KIAA1328: variants seen among roughly 807,000 people sequenced by gnomAD.
KIAA1328 encodes the protein protein hinderin.
In KIAA1328, 52 loss-of-function variants were observed where a neutral mutation model predicts 68.1. The ratio of observed to expected loss-of-function variants is 0.76; its 90% CI spans 0.61 to 0.96. KIAA1328 has a LOEUF of 0.96. KIAA1328 is among the 40% of genes least tolerant of loss of function. KIAA1328 has a pLI of 0.00. For missense variants in KIAA1328, 641 were observed against 677.6 expected (o/e 0.95, Z 0.60); for synonymous variants, 232 against 239.4 (o/e 0.97, Z 0.28).
At position 37,110,235 on chromosome 18, in the gene KIAA1328, G is replaced by GA. The variant is rs554021961; in HGVS notation, c.1232+42699dup. Among the ~76,000 whole-genome samples the GA allele has an allele frequency of 3.2e-3, 485 of 151,112 alleles. 1 individual carries two copies. Among genetic ancestry groups the GA allele is most frequent in the Middle Eastern group, 6.8e-3 (2 of 292 alleles). On this transcript the variant is annotated intron_variant, in intron 7 of 9. Coordinates refer to ENST00000280020, the MANE Select transcript of KIAA1328 (RefSeq NM_020776.3). ...ATATCCAGGCCAAGATTTTGTTAAT[G>GA]AAAAAAAAATCTGTAAATGTATTGC... is the stretch of plus-strand genomic sequence containing the variant.
At chr18:36,949,597 T>TCCCCCCCCCCCCCCCCCCC (rs71168248) in intron 5 of KIAA1328, among the ~76,000 whole-genome samples, 4 of 57,360 alleles carry the variant, frequency 7.0e-5, no homozygotes, top group African/African-American at 1.3e-4. Flanking sequence ...TCTACCCAGC[T>TCCCCCCCCCCCCCCCCCCC]CCCCCCCCCC....
chr18:37,205,584 C>T (rs1216741567), intron 9 of KIAA1328, among the ~76,000 whole-genome samples: 1 of 152,102 alleles, frequency 6.6e-6, no homozygotes, highest in Admixed American at 6.5e-5. Flanking sequence ...AGAAAGGACA[C>T]AAATAGGTAC....
At chr18:36,953,259 T>A (rs1233260028) in intron 5 of KIAA1328, among the ~76,000 whole-genome samples, 2 of 147,464 alleles carry the variant, frequency 1.4e-5, no homozygotes, top group Non-Finnish European at 1.5e-5. Flanking sequence ...AGTGTAATAT[T>A]TAATAATATA....
At chr18:37,020,012 G>T (rs1050413132) in intron 6 of KIAA1328, among the ~76,000 whole-genome samples, 1 of 152,220 alleles carries the variant, frequency 6.6e-6, no homozygotes, top group African/African-American at 2.4e-5. Flanking sequence ...AATGCGTGGA[G>T]ATCTGCCTCA....
intron 8 of KIAA1328, among the ~76,000 whole-genome samples, chr18:37,166,493 C>G (rs928848884): frequency 2.0e-5 from 3 of 152,094 alleles, no homozygotes; most frequent in Non-Finnish European, 4.4e-5. Flanking sequence ...TAGTCCAAGA[C>G]AGTTCTCCCA....
chr18:36,879,871 C>T (rs2048271344), intron 4 of KIAA1328, among the ~76,000 whole-genome samples: 1 of 152,164 alleles, frequency 6.6e-6, no homozygotes, highest in Admixed American at 6.5e-5. Context: ...ATGGTGGATG[C>T]CCCTTCCCTC....
At chr18:36,984,700 G>A (rs1490493627) in intron 6 of KIAA1328, among the ~76,000 whole-genome samples, 1 of 152,016 alleles carries the variant, frequency 6.6e-6, no homozygotes, top group Non-Finnish European at 1.5e-5. Context: ...GAAGTCAAGA[G>A]ATCGAGGCCA....
chr18:37,002,155 G>C (rs1246116512), intron 6 of KIAA1328, among the ~76,000 whole-genome samples: 1 of 150,988 alleles, frequency 6.6e-6, no homozygotes, highest in Non-Finnish European at 1.5e-5. Flanking sequence ...AATGGAGACA[G>C]TAAAATTACA....
At chr18:37,212,804 T>C (rs1599609382) in intron 9 of KIAA1328, among the ~76,000 whole-genome samples, 1 of 152,290 alleles carries the variant, frequency 6.6e-6, no homozygotes, top group East Asian at 1.9e-4. Flanking sequence ...CACTGCAACC[T>C]CCACCTCCTG....
chr18:36,869,082 T>A (rs367893629), intron 4 of KIAA1328, among the ~76,000 whole-genome samples: 369 of 151,644 alleles, frequency 2.4e-3, no homozygotes, highest in African/African-American at 8.1e-3. Context: ...CAGAAGCCTT[T>A]ATGGATTTTG....
chr18:36,863,154 T>G lies in KIAA1328; in HGVS notation c.332+18852T>G, dbSNP rs549891436. Among the ~76,000 whole-genome samples the G allele has an allele frequency of 7.9e-5, 12 of 152,228 alleles. 1 individual carries two copies. The South Asian group carries it at 2.5e-3, about 32-fold the overall frequency. On this transcript the variant is annotated intron_variant, in intron 4 of 9. Coordinates refer to ENST00000280020, the MANE Select transcript of KIAA1328 (RefSeq NM_020776.3). ...CACTGAATTTTTCCTAGAATAAAAGTTTTGAATTTAACTAGGTCCAGTTTT... is the reference window on the plus strand; with the variant it reads ...CACTGAATTTTTCCTAGAATAAAAGGTTTGAATTTAACTAGGTCCAGTTTT...
At chr18:36,974,196 T>G (rs1034241810) in intron 6 of KIAA1328, among the ~76,000 whole-genome samples, 1 of 152,148 alleles carries the variant, frequency 6.6e-6, no homozygotes, top group Non-Finnish European at 1.5e-5. Flanking sequence ...TTTAGGGGTA[T>G]GAGTATAGTT....
intron 7 of KIAA1328, among the ~76,000 whole-genome samples, chr18:37,145,997 C>G (rs950454521): frequency 2.0e-5 from 3 of 152,042 alleles, no homozygotes; most frequent in Non-Finnish European, 4.4e-5. Flanking sequence ...TCCCCCGCTC[C>G]CAATTTATTA....
intron 4 of KIAA1328, among the ~76,000 whole-genome samples, chr18:36,849,012 TTTTAA>T (rs2047127869): frequency 6.6e-6 from 1 of 151,892 alleles, no homozygotes; most frequent in African/African-American, 2.4e-5. Flanking sequence ...TCTTAGTATA[TTTTAA>T]TTTAATTTTT....
At chr18:37,068,066 T>C (rs996605428) in intron 7 of KIAA1328, among the ~76,000 whole-genome samples, 3 of 152,192 alleles carry the variant, frequency 2.0e-5, no homozygotes, top group African/African-American at 7.2e-5. Context: ...TAGCTTAGAA[T>C]ATCTATTTCT....
intron 5 of KIAA1328, chr18:36,923,822 GTAT>G (rs1437141602): frequency 6.6e-6 from 1 of 152,118 alleles, no homozygotes; most frequent in African/African-American, 2.4e-5. Context: ...CATGTGACTG[GTAT>G]TATGTAGAAC....
intron 9 of KIAA1328, among the ~76,000 whole-genome samples, chr18:37,206,918 T>C (rs1431497885): frequency 6.6e-6 from 1 of 152,178 alleles, no homozygotes; most frequent in African/African-American, 2.4e-5. Flanking sequence ...TACAGATTCA[T>C]CTGACCTTTG....
At chr18:36,998,996 G>A (rs1398079036) in intron 6 of KIAA1328, among the ~76,000 whole-genome samples, 1 of 152,058 alleles carries the variant, frequency 6.6e-6, no homozygotes, top group Non-Finnish European at 1.5e-5. Context: ...GGCTCAGTAA[G>A]TACAAGAGAA....
intron 9 of KIAA1328, among the ~76,000 whole-genome samples, chr18:37,221,127 C>T (rs1379669274): frequency 6.6e-6 from 1 of 152,036 alleles, no homozygotes; most frequent in Non-Finnish European, 1.5e-5. Flanking sequence ...TCACCCGGCC[C>T]CCAGAATGTT....
Sources: gnomAD v4.1 joint callset for allele counts (sites outside exome capture counted in the v4.1 genomes callset) on GRCh38, gnomAD v4.1.1 for gene constraint, MANE v1.5 for transcripts, NCBI Gene and HGNC (gene_info 2026-07-23, HGNC 2026-07-21) for gene names.